The following CTBP2 variants were observed in gnomAD, a reference collection of about 807,000 sequenced individuals.
CTBP2 encodes C-terminal-binding protein 2.
CTBP2 carries 30 observed loss-of-function variants against 80.3 expected under a neutral mutation model. The ratio of observed to expected loss-of-function variants is 0.37; its 90% CI spans 0.28 to 0.51. The LOEUF (loss-of-function observed/expected upper bound fraction) is 0.51, where lower values mean the gene tolerates loss of function less well. Among genes scored for constraint, CTBP2 ranks in the 20% least tolerant of loss-of-function variants. The pLI is 0.93. For missense variants in CTBP2, 1,212 were observed against 1,375.3 expected (o/e 0.88, Z 1.88); for synonymous variants, 594 against 587.4 (o/e 1.01, Z -0.16).
intron 2 of CTBP2, among the ~76,000 whole-genome samples, chr10:125,074,601 C>A (rs1482533405): frequency 6.6e-6 from 1 of 152,226 alleles, no homozygotes; most frequent in African/African-American, 2.4e-5. Flanking sequence ...CCGCCTCGGC[C>A]TCCCAAAGTG....
chr10:125,108,918 C>CCCCA (rs1381319482), intron 2 of CTBP2, among the ~76,000 whole-genome samples: 1 of 152,256 alleles, frequency 6.6e-6, no homozygotes, highest in Non-Finnish European at 1.5e-5. Flanking sequence ...ATGGTGGGAA[C>CCCCA]CCCACATAAG....
Position 124,986,192 on chromosome 10 carries a change from A to G in CTBP2, c.*3326T>C, listed in dbSNP as rs1952029916. 2 of 152,484 alleles carry G rather than the reference A, an allele frequency of 1.3e-5. No homozygotes were observed. The highest frequency in any genetic ancestry group is 4.8e-5 in the African/African-American group (2 of 41,414). 9.4% of individuals were successfully genotyped at this position (152,484 alleles called of 1,614,324 possible). ...AATACTGGGTAAAAATTTCAGACCT[A>G]TCTCAGGAACACAGAAATATTTGGT... is the stretch of plus-strand genomic sequence containing the variant. On this transcript the variant is annotated 3_prime_UTR_variant, in exon 9 of 9. Coordinates refer to ENST00000309035, the MANE Select transcript of CTBP2 (RefSeq NM_022802.3).
chr10:125,075,831 C>T (rs1450770342), intron 2 of CTBP2, among the ~76,000 whole-genome samples: 1 of 152,198 alleles, frequency 6.6e-6, no homozygotes, highest in East Asian at 1.9e-4. Flanking sequence ...GCGCAGCTGG[C>T]AGGAGTGGAA....
In CTBP2 at chr10:125,045,488, A is replaced by G. The variant is rs965155896; in HGVS notation, c.-101-6333T>C. Among the ~76,000 whole-genome samples, 4 of 151,778 alleles carry G rather than the reference A, an allele frequency of 2.6e-5. No individual in the cohort carries two copies. In the East Asian group the frequency reaches 7.8e-4, roughly 30 times the overall value. On this transcript the variant is annotated intron_variant, in intron 2 of 10. Transcript: ENST00000337195. ...AATCTCCCTCTCCAAGGGCCCCCATACCATGCCCTAAAGGTAACTAGCAGG... is the reference window on the plus strand; with the variant it reads ...AATCTCCCTCTCCAAGGGCCCCCATGCCATGCCCTAAAGGTAACTAGCAGG...
At chr10:125,130,384 T>C (rs999653396) in intron 1 of CTBP2, among the ~76,000 whole-genome samples, 2 of 152,126 alleles carry the variant, frequency 1.3e-5, no homozygotes, top group African/African-American at 4.8e-5. Flanking sequence ...TTGCTGAGCC[T>C]CTTTGGAGGC....
Position 125,053,099 on chromosome 10 carries a change from A to G in CTBP2, c.-101-13944T>C, listed in dbSNP as rs1042018371. On this transcript the variant is annotated intron_variant, in intron 2 of 10. Coordinates refer to the CTBP2 transcript ENST00000337195. ...GCTTATTCGAAGAGAGAGAAAAAAAAAGAAAACAAAACCCCACACAACTTC... is the reference window on the plus strand; with the variant it reads ...GCTTATTCGAAGAGAGAGAAAAAAAGAGAAAACAAAACCCCACACAACTTC... 6.7e-5 allele frequency among the ~76,000 whole-genome samples: 8 copies of G among 118,984 alleles called. No homozygotes were observed. The East Asian group carries it at 9.9e-4, about 15-fold the overall frequency. 78.1% of individuals were successfully genotyped at this position (118,984 alleles called of 152,430 possible).
intron 5 of CTBP2, 46 bp from the exon 8 acceptor site, chr10:124,994,031 G>A (rs1412302076): frequency 1.2e-6 from 2 of 1,610,034 alleles, no homozygotes; most frequent in Non-Finnish European, 1.7e-6. Flanking sequence ...TGGCATGGTG[G>A]AAGACTCTTG....
At chr10:125,028,390 C>T (rs1004764286), upstream of CTBP2, among the ~76,000 whole-genome samples, 1 of 152,158 alleles carries the variant, frequency 6.6e-6, no homozygotes, top group East Asian at 1.9e-4. Context: ...CGTGATGAAA[C>T]GTTAATCCAT....
chr10:125,103,619 T>C (rs964026694), intron 2 of CTBP2, among the ~76,000 whole-genome samples: 15 of 152,074 alleles, frequency 9.9e-5, no homozygotes, highest in Non-Finnish European at 1.9e-4. Flanking sequence ...GTACAGACGC[T>C]TCTGCGACAT....
At chr10:125,146,642 T>C (rs1858830086) in intron 1 of CTBP2, among the ~76,000 whole-genome samples, 1 of 152,100 alleles carries the variant, frequency 6.6e-6, no homozygotes, top group Non-Finnish European at 1.5e-5. Flanking sequence ...GTCCATGAAA[T>C]GACCAGCCCA....
At chr10:125,143,586 T>A (rs1436606938) in intron 1 of CTBP2, among the ~76,000 whole-genome samples, 1 of 152,240 alleles carries the variant, frequency 6.6e-6, no homozygotes. Context: ...TTTACTAAAT[T>A]CTAAAGCTTT....
intron 1 of CTBP2, chr10:125,138,360 C>T (rs1467193472): frequency 6.6e-6 from 1 of 152,218 alleles, no homozygotes; most frequent in Non-Finnish European, 1.5e-5. Flanking sequence ...GTCCTGTCCC[C>T]ACCACGCTGA....
In CTBP2 at chr10:124,993,953, G is replaced by T. The variant is rs1458610119; in HGVS notation, c.2433C>A (p.Ala811=). 6.2e-7 allele frequency: 1 copy of T among 1,614,192 alleles called. No individual in the cohort carries two copies. Among genetic ancestry groups the T allele is most frequent in the Non-Finnish European group, 8.5e-7 (1 of 1,180,040 alleles). Residue 811 remains alanine (A), a synonymous_variant, in exon 6 of 9, where the codon GCC becomes GCA. Coordinates refer to ENST00000309035, the MANE Select transcript of CTBP2 (RefSeq NM_022802.3). Reference sequence around the variant, plus strand: ...CTTTCTCGTCCACCAGGCCGCCACGGGCTGCGTTCACAAGGAATGCTCCCT... The same window carrying T: ...CTTTCTCGTCCACCAGGCCGCCACGTGCTGCGTTCACAAGGAATGCTCCCT...
chr10:125,161,895 T>C (rs1251901645), upstream of CTBP2, among the ~76,000 whole-genome samples: 2 of 151,982 alleles, frequency 1.3e-5, no homozygotes, highest in Admixed American at 6.5e-5. Context: ...CGTCTCAAGG[T>C]TGGAGTCTGC....
At chr10:125,120,795 A>G (rs1446510528) in intron 1 of CTBP2, among the ~76,000 whole-genome samples, 1 of 152,212 alleles carries the variant, frequency 6.6e-6, no homozygotes, top group African/African-American at 2.4e-5. Flanking sequence ...TTCTGGGCTC[A>G]GCCTCCTGTA....
chr10:125,047,707 CTG>C (rs1331287547), intron 2 of CTBP2, among the ~76,000 whole-genome samples: 1 of 152,292 alleles, frequency 6.6e-6, no homozygotes, highest in Non-Finnish European at 1.5e-5. Context: ...TTATAGAACA[CTG>C]TGTTATATGT....
At chr10:125,141,133 ACT>A (rs1297224145) in intron 1 of CTBP2, among the ~76,000 whole-genome samples, 3 of 148,856 alleles carry the variant, frequency 2.0e-5, no homozygotes, top group Admixed American at 1.3e-4. Context: ...ACAGAGTGAG[ACT>A]CTGTCAAAAA....
rs886154330 is a variant in CTBP2 at position 124,992,987 on chromosome 10, C to T, written c.2660-175G>A. Among the ~76,000 whole-genome samples, 5 of 152,192 alleles carry T rather than the reference C, an allele frequency of 3.3e-5. 1 individual carries two copies. The highest frequency in any genetic ancestry group is 2.6e-4 in the Admixed American group (4 of 15,284). On this transcript the variant is annotated intron_variant, in intron 7 of 8. Coordinates refer to ENST00000309035, the MANE Select transcript of CTBP2 (RefSeq NM_022802.3). Reference sequence around the variant, plus strand: ...CCTTCAGCCTCTGTGTGCCCCCCGACCCCCGAGTTTATAATGTCTGGGACT... The same window carrying T: ...CCTTCAGCCTCTGTGTGCCCCCCGATCCCCGAGTTTATAATGTCTGGGACT...
intron 1 of CTBP2, chr10:125,006,070 C>T: frequency 7.8e-7 from 1 of 1,279,328 alleles, no homozygotes; most frequent in East Asian, 3.3e-5. Context: ...GTAACAAACT[C>T]CAGGTTGCCT....
Sources: gnomAD v4.1 joint callset for allele counts (sites outside exome capture counted in the v4.1 genomes callset) on GRCh38, gnomAD v4.1.1 for gene constraint, MANE v1.5 for transcripts, NCBI Gene and HGNC (gene_info 2026-07-23, HGNC 2026-07-21) for gene names.